Variants in ABCC6 observed in about 807,000 individuals in gnomAD.
ABCC6 encodes the protein ATP-binding cassette sub-family C member 6.
A neutral mutation model predicts 169.5 loss-of-function variants in ABCC6; 126 were observed. That is an observed-to-expected ratio of 0.74 (90% CI 0.64 to 0.86). The LOEUF is 0.86. Among genes scored for constraint, ABCC6 ranks in the 40% least tolerant of loss-of-function variants. The pLI is 0.00. For missense variants in ABCC6, 1,733 were observed against 1,927.2 expected (o/e 0.90, Z 1.89); for synonymous variants, 752 against 814.7 (o/e 0.92, Z 1.31).
chr16:16,183,859 C>T (rs1264033069), intron 15 of ABCC6, among the ~76,000 whole-genome samples: 8 of 152,078 alleles, frequency 5.3e-5, no homozygotes, highest in Admixed American at 5.2e-4. Context: ...GGTCCAGGCA[C>T]TCTCCTGCCC....
chr16:16,160,417 G>A (rs1207387998), intron 25 of ABCC6, among the ~76,000 whole-genome samples: 2 of 151,984 alleles, frequency 1.3e-5, no homozygotes, highest in African/African-American at 2.4e-5. Context: ...CAGGAAGATT[G>A]TTTGAACCCA....
chr16:16,165,795 A>G lies in ABCC6; in HGVS notation c.3134T>C (p.Leu1045Pro), dbSNP rs1392510657. Reference sequence around the variant, plus strand: ...GTCTGTCTCCTTGGAGAAGCGGTTTAGCAGGTGACCAATGGGTGTCCGCTC... The same window carrying G: ...GTCTGTCTCCTTGGAGAAGCGGTTTGGCAGGTGACCAATGGGTGTCCGCTC... ...FFERTPIGHL[L>P]NRFSKETDTV... Residue 1045 changes from leucine (L) to proline (P), a missense_variant, in exon 23 of 31, where the codon CTA becomes CCA. Leu to Pro is a moderately conservative substitution (Grantham distance 98, BLOSUM62 -3). This residue lies in a region of ABCC6 where 1,601 missense variants were observed against 1,635.5 expected (regional missense o/e 0.98). Coordinates refer to ENST00000205557, the MANE Select transcript of ABCC6 (RefSeq NM_001171.6). The G allele has an allele frequency of 3.1e-6, 5 of 1,613,652 alleles. No homozygotes were observed. In the African/African-American group the frequency reaches 6.7e-5, roughly 22 times the overall value.
chr16:16,164,651 G>A (rs146640432), intron 23 of ABCC6, among the ~76,000 whole-genome samples: 20 of 152,312 alleles, frequency 1.3e-4, no homozygotes, highest in South Asian at 8.3e-4. Context: ...GAAAGAGAGC[G>A]TGTACAAAAT....
At chr16:16,190,098 C>G (rs1387728103) in intron 12 of ABCC6, 66 bp downstream of exon 12, 2 of 1,576,506 alleles carry the variant, frequency 1.3e-6, no homozygotes. Context: ...CCACCTACCT[C>G]ACCCTGCCCC....
chr16:16,186,591 T>C (rs1053894446), intron 14 of ABCC6, among the ~76,000 whole-genome samples: 4 of 150,682 alleles, frequency 2.7e-5, no homozygotes, highest in Non-Finnish European at 5.9e-5. Flanking sequence ...GGGTTGCGTG[T>C]TCCTTATAAG....
chr16:16,199,394 T>C (rs2048162623), intron 9 of ABCC6, among the ~76,000 whole-genome samples: 1 of 132,218 alleles, frequency 7.6e-6, no homozygotes, highest in African/African-American at 2.6e-5. Flanking sequence ...TCACAGGCCT[T>C]GTAAGCTCCT....
chr16:16,189,012 C>T, intron 12 of ABCC6, 38 bp from the exon 13 acceptor site: 4 of 1,611,538 alleles, frequency 2.5e-6, no homozygotes, highest in Non-Finnish European at 3.4e-6. Context: ...AACAGTGAGA[C>T]ACGCAAGCAT....
intron 21 of ABCC6, among the ~76,000 whole-genome samples, chr16:16,172,131 G>A (rs2047114868): frequency 3.2e-5 from 3 of 93,714 alleles, no homozygotes; most frequent in African/African-American, 8.4e-5. Context: ...TAAATGAATG[G>A]ATGGGATGCA....
At chr16:16,153,116 G>A (rs955626852) in intron 29 of ABCC6, among the ~76,000 whole-genome samples, 1 of 152,110 alleles carries the variant, frequency 6.6e-6, no homozygotes, top group Non-Finnish European at 1.5e-5. Context: ...TATTGGTCAG[G>A]CTGGTCTTGA....
At chr16:16,175,055 A>C (rs2047233108) in intron 20 of ABCC6, among the ~76,000 whole-genome samples, 1 of 151,982 alleles carries the variant, frequency 6.6e-6, no homozygotes, top group African/African-American at 2.4e-5. Flanking sequence ...CTGGGATTAC[A>C]GGTGTGAGCC....
At chr16:16,189,609 G>C (rs1567512452) in intron 12 of ABCC6, among the ~76,000 whole-genome samples, 1 of 152,030 alleles carries the variant, frequency 6.6e-6, no homozygotes, top group African/African-American at 2.4e-5. Context: ...GTAGAGACAG[G>C]GTTTCGCCAT....
chr16:16,170,991 C>T (rs1302419740), intron 21 of ABCC6, among the ~76,000 whole-genome samples: 1 of 151,628 alleles, frequency 6.6e-6, no homozygotes, highest in Non-Finnish European at 1.5e-5. Context: ...CTTCTTATCT[C>T]GCCCCCACTC....
chr16:16,157,857 T>C (rs756399001), intron 26 of ABCC6, 48 bp from the exon 27 acceptor site: 1 of 1,580,718 alleles, frequency 6.3e-7, no homozygotes, highest in Admixed American at 1.7e-5. Context: ...CTCTAAGACT[T>C]CACACAAGAT....
In ABCC6 at chr16:16,190,265, C is replaced by T. The variant is rs2047803722; in HGVS notation, c.1534G>A (p.Asp512Asn). ...KFHGWEGAFL[D>N]RVLGIRGQEL... The stretch of plus-strand genomic sequence containing the variant: ...TGGCCTCGGATGCCCAGGACTCTGT[C>T]CAGAAAGGCTCCCTCCCAGCCATGG... Residue 512 changes from aspartate (D) to asparagine (N), a missense_variant, in exon 12 of 31, where the codon GAC (aspartate) becomes AAC (asparagine). Around this residue, in one of 5 missense-constraint regions of ABCC6, gnomAD observed 1,601 missense variants for 1,635.5 expected, o/e 0.98. Transcript: ENST00000205557. 2 of 1,614,132 alleles carry T rather than the reference C, an allele frequency of 1.2e-6. No individual in the cohort carries two copies. Among genetic ancestry groups the T allele is most frequent in the Non-Finnish European group, 1.7e-6 (2 of 1,180,034 alleles).
At chr16:16,161,354 G>A in intron 25 of ABCC6, 84 bp downstream of exon 25, 1 of 1,596,668 alleles carries the variant, frequency 6.3e-7, no homozygotes, top group Non-Finnish European at 8.6e-7. Flanking sequence ...TGGACACAGG[G>A]TCTTCAAAGG....
intron 6 of ABCC6, among the ~76,000 whole-genome samples, chr16:16,211,351 A>G (rs546416033): frequency 6.6e-6 from 1 of 152,296 alleles, no homozygotes; most frequent in African/African-American, 2.4e-5. Context: ...CAGTGAGCCA[A>G]GATAGTGCCA....
At chr16:16,196,847 A>G (rs1050199982) in intron 10 of ABCC6, among the ~76,000 whole-genome samples, 94 of 152,104 alleles carry the variant, frequency 6.2e-4, no homozygotes, top group African/African-American at 1.9e-3. Context: ...GGTTATAGGC[A>G]CCCACCACTA....
Position 16,149,873 on chromosome 16 carries a change from T to G in ABCC6, c.*260A>C. ...AGGTGAGTCCAGAGTACAGCGGGGC[T>G]GAGAGTCGCTGTTGACATTGGCTGC... On this transcript the variant is annotated 3_prime_UTR_variant, in exon 31 of 31. Transcript: ENST00000205557. 16 of 575,308 alleles carry G rather than the reference T, an allele frequency of 2.8e-5. No homozygotes were observed. Among genetic ancestry groups the G allele is most frequent in the Non-Finnish European group, 3.5e-5 (11 of 317,778 alleles). The allele number at this position is 575,308 out of a possible 1,614,324, so 35.6% of individuals were successfully genotyped here.
rs1440669237 is a variant in ABCC6 at position 16,165,948 on chromosome 16, G to A, written c.2996-15C>T. On this transcript the variant is annotated splice_polypyrimidine_tract_variant and intron_variant, in intron 22 of 30. Coordinates refer to ENST00000205557, the MANE Select transcript of ABCC6 (RefSeq NM_001171.6). ...CAGCCCAATGGCTGGGGAGGGAGAG[G>A]AGGTAAGAGCATGAGGGCTGGAGAC... 2 of 1,611,788 alleles carry A rather than the reference G, an allele frequency of 1.2e-6. No homozygotes were observed. Among genetic ancestry groups the A allele is most frequent in the Non-Finnish European group, 8.5e-7 (1 of 1,179,570 alleles).
Sources: allele counts gnomAD v4.1 joint callset (sites outside exome capture counted in the v4.1 genomes callset), GRCh38; gene constraint gnomAD v4.1.1; regional missense constraint gnomAD v4.1.1; transcripts MANE v1.5; gene names NCBI Gene and HGNC (gene_info 2026-07-23, HGNC 2026-07-21).